ASIC2: variants seen among roughly 807,000 people sequenced by gnomAD.
The protein encoded by ASIC2 is acid sensing ion channel subunit 2, also known as acid-sensing ion channel 2.
In ASIC2, 25 loss-of-function variants were observed where a neutral mutation model predicts 57.3. The ratio of observed to expected loss-of-function variants is 0.44; its 90% CI spans 0.32 to 0.61. The LOEUF is 0.61. Ranked by LOEUF, ASIC2 falls within the 20% of genes least tolerant of loss-of-function variation. The pLI, the probability that ASIC2 is intolerant of heterozygous loss-of-function variation, is 0.06. For synonymous variants in ASIC2, 319 were observed against 307.5 expected (o/e 1.04, Z -0.39); for missense variants, 641 against 738.1 (o/e 0.87, Z 1.52).
chr17:33,546,764 T>G (rs1334403476), intron 1 of ASIC2, among the ~76,000 whole-genome samples: 1 of 152,104 alleles, frequency 6.6e-6, no homozygotes, highest in African/African-American at 2.4e-5. Context: ...GCTTGAAACA[T>G]TTCTCTCTCC....
intron 1 of ASIC2, among the ~76,000 whole-genome samples, chr17:33,909,374 T>C (rs1597925732): frequency 6.6e-6 from 1 of 152,238 alleles, no homozygotes; most frequent in South Asian, 2.1e-4. Flanking sequence ...AGAAGCAATT[T>C]AAGCATTTTG....
intron 1 of ASIC2, among the ~76,000 whole-genome samples, chr17:33,686,294 C>T (rs1467399667): frequency 6.6e-6 from 1 of 152,120 alleles, no homozygotes; most frequent in African/African-American, 2.4e-5. Context: ...GCTGCAAAAA[C>T]CTAGGATTCT....
At position 34,105,480 on chromosome 17, in the gene ASIC2, CTTTT is replaced by C. The variant is rs11305436; in HGVS notation, c.555+50494_555+50497del. Among the ~76,000 whole-genome samples, 12 of 122,878 alleles carry C rather than the reference CTTTT, an allele frequency of 9.8e-5. No homozygotes were observed. In the South Asian group the frequency reaches 1.0e-3, roughly 11 times the overall value. 80.6% of individuals were successfully genotyped at this position (122,878 alleles called of 152,430 possible). On this transcript the variant is annotated intron_variant, in intron 1 of 9. Coordinates refer to the ASIC2 transcript ENST00000359872. ...ATCTTTATTATTTCCTTTCATCTAC[CTTTT>C]TTTTTTTTTTTGCTTGTTTTTATTT...
rs139018198 is a variant in ASIC2, at chr17:33,705,003, C to T, written c.555+450975G>A. ...TTCCTGTAGGCGTATGTTTGTAACA[C>T]ACATATGTCTTCCAGGGAACAACAT... On this transcript the variant is annotated intron_variant, in intron 1 of 9. Coordinates refer to the ASIC2 transcript ENST00000359872. 4.6e-5 allele frequency among the ~76,000 whole-genome samples: 7 copies of T among 152,310 alleles called. No homozygotes were observed. In the East Asian group the frequency reaches 1.3e-3, roughly 29 times the overall value.
At chr17:33,417,175 A>AT (rs1296176645) in intron 1 of ASIC2, among the ~76,000 whole-genome samples, 2 of 152,176 alleles carry the variant, frequency 1.3e-5, no homozygotes, top group Non-Finnish European at 2.9e-5. Context: ...AGGGTGTTGA[A>AT]TGGAAGCAAG....
At chr17:33,831,886 G>C (rs1197109167) in intron 1 of ASIC2, among the ~76,000 whole-genome samples, 1 of 152,204 alleles carries the variant, frequency 6.6e-6, no homozygotes, top group Admixed American at 6.5e-5. Context: ...CTGTTGACTT[G>C]GAAACTCTTC....
At chr17:33,124,668 G>C (rs2092316355) in intron 1 of ASIC2, among the ~76,000 whole-genome samples, 1 of 152,206 alleles carries the variant, frequency 6.6e-6, no homozygotes, top group Non-Finnish European at 1.5e-5. Flanking sequence ...CCAGGGACTG[G>C]TTTCATGGGA....
At chr17:33,048,354 T>C (rs1279861512) in intron 3 of ASIC2, among the ~76,000 whole-genome samples, 2 of 152,194 alleles carry the variant, frequency 1.3e-5, no homozygotes, top group Non-Finnish European at 2.9e-5. Flanking sequence ...TGTGAACCAG[T>C]AAAGCCCCAT....
chr17:33,506,466 T>C lies in ASIC2; in HGVS notation c.556-394399A>G, dbSNP rs185172487. ...CCTAAGTCATTAGGGTGTGTGAGTGTGTATGTGTGTGACAGAGAGGAAGAG... is the reference window on the plus strand; with the variant it reads ...CCTAAGTCATTAGGGTGTGTGAGTGCGTATGTGTGTGACAGAGAGGAAGAG... On this transcript the variant is annotated intron_variant, in intron 1 of 9. Transcript: ENST00000359872. Among the ~76,000 whole-genome samples the C allele has an allele frequency of 1.9e-3, 292 of 150,896 alleles. 1 individual carries two copies. The highest frequency in any genetic ancestry group is 6.5e-3 in the African/African-American group (268 of 41,106).
intron 1 of ASIC2, among the ~76,000 whole-genome samples, chr17:33,513,263 G>T (rs1426734388): frequency 2.0e-5 from 3 of 152,090 alleles, no homozygotes; most frequent in Non-Finnish European, 4.4e-5. Context: ...TTTATTTTAT[G>T]ATTCTTTATC....
chr17:33,706,398 T>C (rs200120304), intron 1 of ASIC2, among the ~76,000 whole-genome samples: 1 of 151,498 alleles, frequency 6.6e-6, no homozygotes, highest in African/African-American at 2.4e-5. Context: ...TTTTTTTTTT[T>C]AATTTTGTAG....
At chr17:33,799,439 T>TTTTTCTTTC (rs1912050420) in intron 1 of ASIC2, among the ~76,000 whole-genome samples, 1 of 59,048 alleles carries the variant, frequency 1.7e-5, no homozygotes, top group Non-Finnish European at 3.7e-5. Flanking sequence ...TCTTTCTTTC[T>TTTTTCTTTC]TTCTTTCTTT....
At chr17:34,012,449 A>T (rs1906805004) in intron 1 of ASIC2, among the ~76,000 whole-genome samples, 1 of 152,166 alleles carries the variant, frequency 6.6e-6, no homozygotes, top group Non-Finnish European at 1.5e-5. Context: ...TGCACATCCC[A>T]CAACTGGCCT....
chr17:33,674,786 T>C (rs1183696700), intron 1 of ASIC2, among the ~76,000 whole-genome samples: 1 of 152,216 alleles, frequency 6.6e-6, no homozygotes, highest in Non-Finnish European at 1.5e-5. Context: ...TGTTGCTCTC[T>C]TCTGCTCTCT....
chr17:34,063,700 TTAG>T (rs1209596115), intron 1 of ASIC2, among the ~76,000 whole-genome samples: 6 of 152,104 alleles, frequency 3.9e-5, no homozygotes, highest in Non-Finnish European at 5.9e-5. Context: ...TGTACACAAA[TTAG>T]TAGCTCTTCT....
chr17:33,218,511 G>A (rs1482694524), intron 1 of ASIC2, among the ~76,000 whole-genome samples: 1 of 152,104 alleles, frequency 6.6e-6, no homozygotes, highest in African/African-American at 2.4e-5. Flanking sequence ...TGCCTTGAAG[G>A]ACTGCAATAG....
rs1017431738 is a variant in ASIC2, at chr17:33,745,000, T to A, written c.555+410978A>T. Among the ~76,000 whole-genome samples, 4 of 152,176 alleles carry A rather than the reference T, an allele frequency of 2.6e-5. No homozygotes were observed. In the East Asian group the frequency reaches 5.8e-4, roughly 22 times the overall value. Reference sequence around the variant, plus strand: ...GGATAGATCAACAGAGATTATTCAATCCAAAGAACAGAGAGAAAATAAAAT... The same window carrying A: ...GGATAGATCAACAGAGATTATTCAAACCAAAGAACAGAGAGAAAATAAAAT... On this transcript the variant is annotated intron_variant, in intron 1 of 9. Transcript: ENST00000359872.
At chr17:33,527,083 G>A (rs1914906693) in intron 1 of ASIC2, among the ~76,000 whole-genome samples, 1 of 152,338 alleles carries the variant, frequency 6.6e-6, no homozygotes, top group South Asian at 2.1e-4. Flanking sequence ...TGGGCGCCCT[G>A]TGTGCCTACT....
At chr17:33,859,594 G>A (rs940238815) in intron 1 of ASIC2, among the ~76,000 whole-genome samples, 1 of 152,256 alleles carries the variant, frequency 6.6e-6, no homozygotes, top group Non-Finnish European at 1.5e-5. Flanking sequence ...GGCAGAGTGA[G>A]TGGAGAAGGT....
Sources: gnomAD v4.1 joint callset for allele counts (sites outside exome capture counted in the v4.1 genomes callset) on GRCh38, gnomAD v4.1.1 for gene constraint, MANE v1.5 for transcripts, NCBI Gene and HGNC (gene_info 2026-07-23, HGNC 2026-07-21) for gene names.